The following CEP128 variants were observed in gnomAD, a reference collection of about 807,000 sequenced individuals.
CEP128 encodes centrosomal protein 128, also known as centrosomal protein 128kDa.
Under a neutral mutation model 156.7 loss-of-function variants are expected in CEP128, and 132 were observed. That is an observed-to-expected ratio of 0.84 (90% confidence interval 0.73 to 0.97). The LOEUF (loss-of-function observed/expected upper bound fraction) is 0.97, where lower values mean the gene tolerates loss of function less well. CEP128 is among the 50% of genes least tolerant of loss of function. The pLI, the probability that CEP128 is intolerant of heterozygous loss-of-function variation, is 0.00. For synonymous variants in CEP128, 469 were observed against 448.9 expected, an observed-to-expected ratio of 1.04 and a Z score of -0.57; for missense variants, 1,252 against 1,281.9, an observed-to-expected ratio of 0.98 and a Z score of 0.36.
At chr14:80,730,815 G>T (rs116937907) in intron 19 of CEP128, among the ~76,000 whole-genome samples, 9 of 152,216 alleles carry the variant, frequency 5.9e-5, no homozygotes, top group Non-Finnish European at 1.2e-4. Flanking sequence ...AGAAATGAAA[G>T]GTTTGATCTT....
intron 19 of CEP128, among the ~76,000 whole-genome samples, chr14:80,602,622 A>T (rs1475882543): frequency 6.6e-6 from 1 of 151,996 alleles, no homozygotes; most frequent in Non-Finnish European, 1.5e-5. Context: ...ATACAAAAAT[A>T]ATTAGCCAGG....
chr14:80,562,655 C>CTTTTTTTTT (rs1170778718), intron 20 of CEP128, among the ~76,000 whole-genome samples: 18 of 114,358 alleles, frequency 1.6e-4, no homozygotes, highest in African/African-American at 2.5e-4. Flanking sequence ...CTTTTCTTTT[C>CTTTTTTTTT]TTTTTTTTTT....
rs1234720277 is a variant in CEP128 at position 80,957,469 on chromosome 14, A to AC, written c.-172+708_-172+709insG. On this transcript the variant is annotated intron_variant, in intron 2 of 7. Coordinates refer to the CEP128 transcript ENST00000555529. ...CTACTTAGACACTCAGAAAAAACAA[A>AC]AAAAAAAAAACTTAAGTGAATAAAT... is the stretch of plus-strand genomic sequence containing the variant. Among the ~76,000 whole-genome samples, 5 of 150,666 alleles carry AC rather than the reference A, an allele frequency of 3.3e-5. No homozygotes were observed. In the East Asian group the frequency reaches 9.6e-4, roughly 29 times the overall value.
rs1469846866 is a variant in CEP128 at position 80,793,065 on chromosome 14, T to C, written c.1255A>G (p.Met419Val). Reference sequence around the variant, plus strand: ...TGGATCTCCTTAAGTCGATCCAACATCTGCAGTTGCTGTTTTTCCCCATTC... The same window carrying C: ...TGGATCTCCTTAAGTCGATCCAACACCTGCAGTTGCTGTTTTTCCCCATTC... ...LENGEKQQLQMLDRLKEIQNH... is the reference protein window; with the variant it reads ...LENGEKQQLQVLDRLKEIQNH... Residue 419 changes from methionine to valine, a missense_variant, in exon 14 of 25, where the codon ATG becomes GTG. Coordinates refer to ENST00000555265, the MANE Select transcript of CEP128 (RefSeq NM_152446.5). 2 of 1,613,782 alleles carry C rather than the reference T, an allele frequency of 1.2e-6. No individual in the cohort carries two copies. Among genetic ancestry groups the C allele is most frequent in the African/African-American group, 1.3e-5 (1 of 75,076 alleles).
chr14:80,777,994 T>G lies in CEP128; in HGVS notation c.2264A>C (p.Glu755Ala). The G allele has an allele frequency of 6.2e-7, 1 of 1,613,692 alleles. No homozygotes were observed. The highest frequency in any genetic ancestry group is 1.1e-5 in the South Asian group (1 of 91,038). ...TCTGTCACACTGTGATTTCAACTTC[T>G]CCAGCTGACCACGATGAATTTTAGC... The part of the protein sequence containing the change: ...NMAKIHRGQL[E>A]KLKSQCDRLT... Residue 755 changes from glutamate (E) to alanine (A), a missense_variant, in exon 16 of 25, where the codon GAG becomes GCG. Transcript: ENST00000555265.
At chr14:80,623,463 A>G (rs1339770431) in intron 19 of CEP128, among the ~76,000 whole-genome samples, 2 of 151,730 alleles carry the variant, frequency 1.3e-5, no homozygotes, top group Non-Finnish European at 2.9e-5. Flanking sequence ...GTATAATAAT[A>G]ATAAAATAAA....
intron 13 of CEP128, among the ~76,000 whole-genome samples, chr14:80,801,058 T>C (rs1883814491): frequency 6.6e-6 from 1 of 152,164 alleles, no homozygotes; most frequent in Non-Finnish European, 1.5e-5. Context: ...TGGCTGATTA[T>C]GACAAGTAAT....
intron 19 of CEP128, among the ~76,000 whole-genome samples, chr14:80,733,692 T>C (rs943931181): frequency 2.6e-5 from 4 of 152,200 alleles, no homozygotes; most frequent in African/African-American, 4.8e-5. Context: ...AAGTTTTACA[T>C]AGAATATGTT....
At chr14:80,876,158 T>C (rs1266077584) in intron 8 of CEP128, among the ~76,000 whole-genome samples, 2 of 151,814 alleles carry the variant, frequency 1.3e-5, no homozygotes, top group Non-Finnish European at 2.9e-5. Flanking sequence ...GAGGTAATGG[T>C]ACTATAAGCA....
chr14:80,949,691 A>G (rs903254063), intron 2 of CEP128, among the ~76,000 whole-genome samples: 13 of 152,210 alleles, frequency 8.5e-5, no homozygotes, highest in African/African-American at 3.1e-4. Context: ...CACAAATCCC[A>G]AATTGTTTCA....
intron 23 of CEP128, among the ~76,000 whole-genome samples, chr14:80,514,925 A>T (rs1888420032): frequency 6.6e-6 from 1 of 152,214 alleles, no homozygotes; most frequent in Non-Finnish European, 1.5e-5. Flanking sequence ...TGGTCCCTGC[A>T]GCCATGTCTG....
intron 19 of CEP128, among the ~76,000 whole-genome samples, chr14:80,717,049 T>C (rs1442285375): frequency 2.0e-5 from 3 of 152,204 alleles, no homozygotes; most frequent in Admixed American, 2.0e-4. Flanking sequence ...CAGACCTTTA[T>C]CCATTTTTTA....
chr14:80,490,604 C>T (rs1887291810), exon 7 of CEP128: 1 of 152,186 alleles, frequency 6.6e-6, no homozygotes, highest in Non-Finnish European at 1.5e-5. Context: ...AGAGTCCTGG[C>T]ATAGTCTGTT....
intron 1 of CEP128, among the ~76,000 whole-genome samples, chr14:80,959,019 T>C (rs1886870214): frequency 6.6e-6 from 1 of 152,250 alleles, no homozygotes; most frequent in Non-Finnish European, 1.5e-5. Flanking sequence ...CTTTATCTTC[T>C]ACTCATAGAT....
At chr14:80,611,143 A>G (rs1008449284) in intron 19 of CEP128, among the ~76,000 whole-genome samples, 5 of 152,132 alleles carry the variant, frequency 3.3e-5, no homozygotes, top group Admixed American at 3.3e-4. Flanking sequence ...ATGGTAAAAC[A>G]TATTTATTGA....
At chr14:80,897,117 C>T (rs543861657) in intron 7 of CEP128, among the ~76,000 whole-genome samples, 1 of 152,266 alleles carries the variant, frequency 6.6e-6, no homozygotes, top group Middle Eastern at 3.4e-3. Context: ...TGCTGTATAT[C>T]CACACAGTGG....
chr14:80,786,548 G>A (rs191619507), intron 14 of CEP128, among the ~76,000 whole-genome samples: 2 of 152,230 alleles, frequency 1.3e-5, no homozygotes, highest in East Asian at 3.9e-4. Flanking sequence ...GAAAGAAAGA[G>A]CACAAAGATA....
chr14:80,520,611 AT>A (rs751585340), intron 23 of CEP128, among the ~76,000 whole-genome samples: 3 of 151,552 alleles, frequency 2.0e-5, no homozygotes, highest in South Asian at 2.1e-4. Flanking sequence ...ATTTTACTCA[AT>A]TTTTTTTTCT....
At chr14:80,732,012 GA>G (rs565300744) in intron 19 of CEP128, among the ~76,000 whole-genome samples, 1 of 151,246 alleles carries the variant, frequency 6.6e-6, no homozygotes, top group African/African-American at 2.4e-5. Flanking sequence ...ATAATAAATG[GA>G]AAAAAAAGAG....
Sources: gnomAD v4.1 joint callset for allele counts (sites outside exome capture counted in the v4.1 genomes callset) on GRCh38, gnomAD v4.1.1 for gene constraint, MANE v1.5 for transcripts, NCBI Gene and HGNC (gene_info 2026-07-23, HGNC 2026-07-21) for gene names.